Variants in SLC30A7 observed in about 807,000 individuals in gnomAD.
The protein encoded by SLC30A7 is zinc transporter 7.
A neutral mutation model predicts 46.0 loss-of-function variants in SLC30A7; 35 were observed. That is an observed-to-expected ratio of 0.76 (90% CI 0.58 to 1.01). The LOEUF (loss-of-function observed/expected upper bound fraction) is 1.01, where lower values mean the gene tolerates loss of function less well. Among genes scored for constraint, SLC30A7 ranks in the 50% least tolerant of loss-of-function variants. The pLI is 0.00. For synonymous variants in SLC30A7, 147 were observed against 157.8 expected, an observed-to-expected ratio of 0.93 and a Z score of 0.51; for missense variants, 464 against 451.1, an observed-to-expected ratio of 1.03 and a Z score of -0.26.
chr1:100,916,131 A>C (rs1652527108), intron 6 of SLC30A7, among the ~76,000 whole-genome samples: 2 of 151,240 alleles, frequency 1.3e-5, no homozygotes, highest in Admixed American at 6.6e-5. Flanking sequence ...TTTTTTAATA[A>C]ATTTTTTTAT....
At chr1:100,931,678 C>T (rs1182091891) in intron 8 of SLC30A7, among the ~76,000 whole-genome samples, 1 of 152,140 alleles carries the variant, frequency 6.6e-6, no homozygotes, top group African/African-American at 2.4e-5. Flanking sequence ...GATTTTTAAA[C>T]AGCCAACTTA....
chr1:100,897,026 C>CG (rs930138152), intron 2 of SLC30A7, among the ~76,000 whole-genome samples: 6 of 151,656 alleles, frequency 4.0e-5, no homozygotes, highest in East Asian at 1.9e-4. Flanking sequence ...CTGCCTCTCT[C>CG]GGGGGGGAGT....
chr1:100,995,048 G>C, the SLC30A7 span: 1 of 1,170,430 alleles, frequency 8.5e-7, no homozygotes, highest in South Asian at 1.3e-5. Flanking sequence ...CATTTAAGTA[G>C]AATGTATTGA....
Position 100,896,140 on chromosome 1 carries a change from G to C in SLC30A7, c.-123G>C, listed in dbSNP as rs934348851. 1.2e-6 allele frequency: 1 copy of C among 819,092 alleles called. No individual in the cohort carries two copies. The highest frequency in any genetic ancestry group is 1.7e-5 in the African/African-American group (1 of 59,996). The allele number at this position is 819,092 out of a possible 1,614,324, so 50.7% of individuals were successfully genotyped here. ...TGTCTGTGTCTGTCTGTGTCTCGCA[G>C]CGGCGCGCGGCCCCGGACAAGCGCT... is the stretch of plus-strand genomic sequence containing the variant. On this transcript the variant is annotated 5_prime_UTR_variant, in exon 1 of 11. Coordinates refer to ENST00000357650, the MANE Select transcript of SLC30A7 (RefSeq NM_133496.5).
At chr1:100,907,004 A>G in intron 3 of SLC30A7, 39 bp downstream of exon 3, 1 of 1,300,528 alleles carries the variant, frequency 7.7e-7, no homozygotes, top group Non-Finnish European at 1.1e-6. Flanking sequence ...ATTGAAGTAT[A>G]AGATATACAC....
intron 2 of SLC30A7, among the ~76,000 whole-genome samples, chr1:100,906,398 TC>T (rs1365185963): frequency 2.0e-5 from 3 of 152,166 alleles, no homozygotes. Flanking sequence ...TCTCCCTCTC[TC>T]CCAGCCTGTC....
At chr1:100,910,216 A>G (rs1651996719) in intron 3 of SLC30A7, among the ~76,000 whole-genome samples, 2 of 152,196 alleles carry the variant, frequency 1.3e-5, no homozygotes, top group South Asian at 4.1e-4. Flanking sequence ...CTCTCATTAT[A>G]TTGTTTAAGG....
Position 100,922,993 on chromosome 1 carries a change from T to C in SLC30A7, c.842+1152T>C, listed in dbSNP as rs1653040830. ...CTCAAGATTTTTATAGCTTGTAGTT[T>C]GTTAGAATAGATTTTTTTTTTTTTT... On this transcript the variant is annotated intron_variant, in intron 8 of 10. Coordinates refer to ENST00000357650, the MANE Select transcript of SLC30A7 (RefSeq NM_133496.5). 1.4e-5 allele frequency among the ~76,000 whole-genome samples: 2 copies of C among 146,580 alleles called. 1 individual carries two copies. Among genetic ancestry groups the C allele is most frequent in the Non-Finnish European group, 3.0e-5 (2 of 66,298 alleles).
intron 8 of SLC30A7, among the ~76,000 whole-genome samples, chr1:100,949,172 G>C (rs1654817954): frequency 6.6e-6 from 1 of 152,086 alleles, no homozygotes; most frequent in South Asian, 2.1e-4. Context: ...ATCTACCTTT[G>C]GTCTATGATG....
At chr1:100,896,470 G>A (rs2100993999) in intron 1 of SLC30A7, 100 bp from the exon 2 acceptor site, 3 of 1,424,362 alleles carry the variant, frequency 2.1e-6, no homozygotes, top group Non-Finnish European at 3.0e-6. Context: ...TGTGAAGAAA[G>A]GAGCATGTGA....
chr1:100,896,569 G>T lies in SLC30A7; in HGVS notation c.81-1G>T, dbSNP rs1167504150. 1 of 1,613,550 alleles carries T rather than the reference G, an allele frequency of 6.2e-7. No individual in the cohort carries two copies. The highest frequency in any genetic ancestry group is 1.3e-5 in the African/African-American group (1 of 74,864). On this transcript the variant is annotated splice_acceptor_variant, in intron 1 of 10. Transcript: ENST00000357650. LOFTEE classifies it high-confidence loss of function. ...CTCTTTTCCACGTGTATCATTCCCA[G>T]GTCTATACTGTCCGACAAGACTTCC...
In SLC30A7 at chr1:100,976,179, C is replaced by T. The variant is rs1570606554; in HGVS notation, c.*1322C>T. On this transcript the variant is annotated 3_prime_UTR_variant, in exon 11 of 11. Transcript: ENST00000357650. The stretch of plus-strand genomic sequence containing the variant: ...TGTGATAAACTTTCCTATATCTTTC[C>T]TTGCCATTTCTATGGATTTTATAAT... The T allele has an allele frequency of 6.6e-6, 1 of 152,096 alleles. No individual in the cohort carries two copies. The allele number at this position is 152,096 out of a possible 1,614,324, so 9.4% of individuals were successfully genotyped here.
At chr1:100,940,256 A>C (rs551058243) in intron 8 of SLC30A7, among the ~76,000 whole-genome samples, 74 of 152,326 alleles carry the variant, frequency 4.9e-4, no homozygotes, top group African/African-American at 1.5e-3. Context: ...ATATACCCGG[A>C]AACATTTCAA....
chr1:100,995,168 G>T, the SLC30A7 span: 2 of 1,534,482 alleles, frequency 1.3e-6, no homozygotes, highest in Non-Finnish European at 1.8e-6. Context: ...AGTAAAAATA[G>T]TTCTTTTAAT....
chr1:100,940,253 C>T (rs574725463), intron 8 of SLC30A7, among the ~76,000 whole-genome samples: 13 of 152,034 alleles, frequency 8.6e-5, no homozygotes, highest in Non-Finnish European at 1.9e-4. Context: ...ACTATATACC[C>T]GGAAACATTT....
chr1:100,951,880 A>G (rs1654974302), intron 8 of SLC30A7, among the ~76,000 whole-genome samples: 1 of 152,208 alleles, frequency 6.6e-6, no homozygotes, highest in African/African-American at 2.4e-5. Flanking sequence ...TTCAGATGTA[A>G]TTAAGTTAAA....
intron 8 of SLC30A7, among the ~76,000 whole-genome samples, chr1:100,929,800 G>A (rs1423003944): frequency 6.6e-6 from 1 of 151,470 alleles, no homozygotes; most frequent in Admixed American, 6.6e-5. Context: ...GATGAATTTT[G>A]TTTTGCAATG....
chr1:100,988,250 C>A, the SLC30A7 span, among the ~76,000 whole-genome samples: 1 of 152,166 alleles, frequency 6.6e-6, no homozygotes, highest in Non-Finnish European at 1.5e-5. Context: ...AGTAAGATTG[C>A]AACTTTCTCT....
chr1:100,974,787 C>CTTTTTTTTTT, intron 10 of SLC30A7, 23 bp from the exon 11 acceptor site: 1 of 1,455,876 alleles, frequency 6.9e-7, no homozygotes, highest in Non-Finnish European at 9.4e-7. Context: ...GATTTTCTAA[C>CTTTTTTTTTT]TTTTTTTTTT....
Sources: allele counts gnomAD v4.1 joint callset (sites outside exome capture counted in the v4.1 genomes callset), GRCh38; gene constraint gnomAD v4.1.1; transcripts MANE v1.5; gene names NCBI Gene and HGNC (gene_info 2026-07-23, HGNC 2026-07-21).